NEBL: variants seen among roughly 807,000 people sequenced by gnomAD.
NEBL encodes LIM and SH3 protein 2.
Under a neutral mutation model 140.2 loss-of-function variants are expected in NEBL, and 122 were observed. That is an observed-to-expected ratio of 0.87 (90% CI 0.75 to 1.01). The LOEUF (loss-of-function observed/expected upper bound fraction) is 1.01, where lower values mean the gene tolerates loss of function less well. Among genes scored for constraint, NEBL ranks in the 50% least tolerant of loss-of-function variants. NEBL has a pLI of 0.00. For synonymous variants in NEBL, 436 were observed against 398.9 expected (o/e 1.09, Z -1.11); for missense variants, 1,365 against 1,231.3 (o/e 1.11, Z -1.62).
At chr10:21,287,396 C>A (rs919788071) in intron 1 of NEBL, among the ~76,000 whole-genome samples, 1 of 152,050 alleles carries the variant, frequency 6.6e-6, no homozygotes, top group East Asian at 1.9e-4. Context: ...ACTAGCCAGG[C>A]AGGGTGGCAT....
At chr10:21,094,525 A>C (rs1374319179) in intron 2 of NEBL, among the ~76,000 whole-genome samples, 5 of 149,844 alleles carry the variant, frequency 3.3e-5, no homozygotes, top group Non-Finnish European at 7.4e-5. Flanking sequence ...AAAAAAAAAA[A>C]AAAAAAATTA....
intron 21 of NEBL, among the ~76,000 whole-genome samples, chr10:20,816,793 A>T (rs1168952951): frequency 6.6e-6 from 1 of 152,148 alleles, no homozygotes; most frequent in African/African-American, 2.4e-5. Context: ...TCTAGGTAAA[A>T]ACTGCCAGCC....
At chr10:21,270,811 C>T (rs762601115) in intron 1 of NEBL, among the ~76,000 whole-genome samples, 9 of 152,096 alleles carry the variant, frequency 5.9e-5, no homozygotes, top group East Asian at 1.9e-4. Flanking sequence ...TGTCCAGGAC[C>T]GAATAATTCA....
chr10:20,837,196 T>C (rs1256642876), intron 13 of NEBL, among the ~76,000 whole-genome samples: 2 of 152,040 alleles, frequency 1.3e-5, no homozygotes, highest in Admixed American at 6.5e-5. Flanking sequence ...AGGACTCTTG[T>C]GCCAAACAGT....
intron 18 of NEBL, among the ~76,000 whole-genome samples, chr10:20,825,262 C>T (rs1839725134): frequency 1.3e-5 from 2 of 152,106 alleles, no homozygotes; most frequent in Non-Finnish European, 2.9e-5. Flanking sequence ...GGCAATTCTG[C>T]TTGGATTACT....
intron 2 of NEBL, chr10:21,029,803 T>C: frequency 2.7e-6 from 2 of 729,590 alleles, no homozygotes; most frequent in South Asian, 3.1e-5. Flanking sequence ...GAGACTATGC[T>C]AGAGGCTATC....
intron 4 of NEBL, among the ~76,000 whole-genome samples, chr10:20,908,291 G>A (rs1480944185): frequency 1.3e-5 from 2 of 152,166 alleles, no homozygotes; most frequent in African/African-American, 2.4e-5. Flanking sequence ...TTGAATGGAT[G>A]GATGCTTTTT....
At chr10:20,918,339 C>G (rs1316398193) in intron 4 of NEBL, among the ~76,000 whole-genome samples, 1 of 152,018 alleles carries the variant, frequency 6.6e-6, no homozygotes, top group Non-Finnish European at 1.5e-5. Flanking sequence ...GCCTGGGTAA[C>G]AGAGCAAGAC....
At chr10:20,943,861 T>G (rs1190567980) in intron 4 of NEBL, among the ~76,000 whole-genome samples, 1 of 152,130 alleles carries the variant, frequency 6.6e-6, no homozygotes, top group Non-Finnish European at 1.5e-5. Flanking sequence ...TGGCAAAACA[T>G]GGTAATTCCA....
intron 4 of NEBL, among the ~76,000 whole-genome samples, chr10:20,915,588 T>C (rs1189061426): frequency 2.6e-5 from 4 of 151,764 alleles, no homozygotes; most frequent in Non-Finnish European, 5.9e-5. Context: ...CATGAACTCA[T>C]CATTTTTTAT....
At chr10:21,193,119 C>A (rs191115306) in intron 3 of NEBL, among the ~76,000 whole-genome samples, 16 of 151,868 alleles carry the variant, frequency 1.1e-4, no homozygotes, top group Admixed American at 6.6e-4. Flanking sequence ...TCCCAATGCT[C>A]CCAGGATGTA....
intron 3 of NEBL, among the ~76,000 whole-genome samples, chr10:20,974,433 G>A (rs1202491092): frequency 6.6e-6 from 1 of 151,524 alleles, no homozygotes; most frequent in Non-Finnish European, 1.5e-5. Flanking sequence ...TTTGTATTTT[G>A]CGTAAAGATG....
At chr10:21,089,027 G>A (rs926237423) in intron 2 of NEBL, among the ~76,000 whole-genome samples, 2 of 152,194 alleles carry the variant, frequency 1.3e-5, no homozygotes, top group African/African-American at 4.8e-5. Flanking sequence ...CACTCTCAAT[G>A]AGGAGAGATG....
intron 2 of NEBL, among the ~76,000 whole-genome samples, chr10:21,071,445 T>C (rs1367025186): frequency 2.0e-5 from 3 of 152,188 alleles, no homozygotes; most frequent in Admixed American, 6.5e-5. Context: ...AATTTTTCTC[T>C]GGACCATAAA....
At chr10:21,094,631 G>A (rs1283756908) in intron 2 of NEBL, among the ~76,000 whole-genome samples, 5 of 151,870 alleles carry the variant, frequency 3.3e-5, no homozygotes, top group Non-Finnish European at 1.5e-5. Flanking sequence ...TCAGTGAGCT[G>A]AGATTGCCCT....
chr10:21,062,421 G>A (rs985119356), intron 2 of NEBL, among the ~76,000 whole-genome samples: 1 of 152,146 alleles, frequency 6.6e-6, no homozygotes, highest in African/African-American at 2.4e-5. Context: ...AGCACTTTGG[G>A]AGGCGGAGGT....
rs1838410808 is a variant in NEBL, at chr10:20,813,844, T to C, written c.2346+95A>G. The C allele has an allele frequency of 4.8e-6, 4 of 841,100 alleles. No individual in the cohort carries two copies. The South Asian group carries it at 5.5e-5, about 12-fold the overall frequency. 52.1% of individuals were successfully genotyped at this position (841,100 alleles called of 1,614,324 possible). Reference sequence around the variant, plus strand: ...ACAAGCCAACCACATTTCCATGCTTTGTTAGTTATCGGATTAATAGTGAAG... The same window carrying C: ...ACAAGCCAACCACATTTCCATGCTTCGTTAGTTATCGGATTAATAGTGAAG... On this transcript the variant is annotated intron_variant, in intron 23 of 27. Coordinates refer to ENST00000377122, the MANE Select transcript of NEBL (RefSeq NM_006393.3).
At chr10:21,017,857 T>C (rs539405351) in intron 3 of NEBL, among the ~76,000 whole-genome samples, 2 of 151,660 alleles carry the variant, frequency 1.3e-5, no homozygotes, top group African/African-American at 4.8e-5. Context: ...AGAGTCTTGC[T>C]CTGTTGCCCA....
intron 2 of NEBL, among the ~76,000 whole-genome samples, chr10:21,051,455 T>C (rs1382960889): frequency 6.6e-6 from 1 of 152,192 alleles, no homozygotes; most frequent in Non-Finnish European, 1.5e-5. Context: ...AGTTATAGTT[T>C]AGGATGCTTT....
Sources: gnomAD v4.1 joint callset for allele counts (sites outside exome capture counted in the v4.1 genomes callset) on GRCh38, gnomAD v4.1.1 for gene constraint, MANE v1.5 for transcripts, NCBI Gene and HGNC (gene_info 2026-07-23, HGNC 2026-07-21) for gene names.